The following MCM7 variants were observed in gnomAD, a reference collection of about 807,000 sequenced individuals.
The protein encoded by MCM7 is DNA replication licensing factor MCM7.
A neutral mutation model predicts 83.5 loss-of-function variants in MCM7; 95 were observed. That is an observed-to-expected ratio of 1.14 (90% CI 0.96 to 1.35). MCM7 has a LOEUF of 1.35. Ranked by LOEUF, MCM7 falls within the 40% of genes most tolerant of loss-of-function variation. MCM7 has a pLI of 0.00. For synonymous variants in MCM7, 461 were observed against 352.7 expected, an observed-to-expected ratio of 1.31 and a Z score of -3.44; for missense variants, 1,087 against 957.4, an observed-to-expected ratio of 1.14 and a Z score of -1.79.
At chr7:100,093,536 C>T (rs979235344) in intron 13 of MCM7, 135 bp from the exon 14 acceptor site, 61 of 834,760 alleles carry the variant, frequency 7.3e-5, no homozygotes, top group Non-Finnish European at 8.5e-6. Context: ...GGAATCCCCC[C>T]TCCCCCCAGC....
intron 7 of MCM7, 26 bp downstream of exon 7, chr7:100,098,115 A>G: frequency 1.2e-6 from 2 of 1,612,522 alleles, no homozygotes; most frequent in Non-Finnish European, 1.7e-6. Context: ...GGGATGATCC[A>G]TTCCTCATGT....
chr7:100,099,156 C>T lies in MCM7; in HGVS notation c.449G>A (p.Arg150Gln), dbSNP rs772981794. ...CCCCACAGAGTCAGCCCGCACTTCCCGGATCACACGAGGCTTGTTGCTGCT... is the reference window on the plus strand; with the variant it reads ...CCCCACAGAGTCAGCCCGCACTTCCTGGATCACACGAGGCTTGTTGCTGCT... Reference protein sequence around the residue: ...GPSSNKPRVIREVRADSVGKL... With the variant: ...GPSSNKPRVIQEVRADSVGKL... The change falls in exon 5 of 15, where the codon CGG becomes CAG. Residue 150 changes from arginine (R) to glutamine (Q), a missense_variant. Transcript: ENST00000303887. 4.3e-6 allele frequency: 7 copies of T among 1,614,104 alleles called. No individual in the cohort carries two copies. Among genetic ancestry groups the T allele is most frequent in the Non-Finnish European group, 5.9e-6 (7 of 1,180,032 alleles).
At chr7:100,096,840 C>G (rs903452675) in intron 10 of MCM7, among the ~76,000 whole-genome samples, 5 of 152,076 alleles carry the variant, frequency 3.3e-5, no homozygotes, top group Non-Finnish European at 5.9e-5. Flanking sequence ...CGGTGGCTCA[C>G]GCCTGTAATC....
chr7:100,097,568 C>A, intron 9 of MCM7, 46 bp downstream of exon 9: 1 of 1,610,798 alleles, frequency 6.2e-7, no homozygotes, highest in South Asian at 1.1e-5. Flanking sequence ...TTTTTTCCTC[C>A]TAAATGACTT....
At chr7:100,095,536 T>C (rs1795580831) in intron 11 of MCM7, 66 bp from the exon 12 acceptor site, 1 of 1,493,650 alleles carries the variant, frequency 6.7e-7, no homozygotes, top group Non-Finnish European at 9.2e-7. Flanking sequence ...CTCTTAGGTG[T>C]CCCTCCTTTG....
At chr7:100,094,999 G>C (rs1795542341) in intron 12 of MCM7, among the ~76,000 whole-genome samples, 1 of 152,136 alleles carries the variant, frequency 6.6e-6, no homozygotes, top group African/African-American at 2.4e-5. Context: ...GGCCAACATG[G>C]TGAAACTGCT....
chr7:100,092,775 G>A lies in MCM7; in HGVS notation c.*157C>T. 1.3e-6 allele frequency: 1 copy of A among 751,962 alleles called. No homozygotes were observed. Among genetic ancestry groups the A allele is most frequent in the Non-Finnish European group, 2.2e-6 (1 of 463,492 alleles). The allele number at this position is 751,962 out of a possible 1,614,324, so 46.6% of individuals were successfully genotyped here. A position where few individuals can be genotyped will look rare whatever the true frequency, so the allele number is the denominator to read the frequency against. On this transcript the variant is annotated 3_prime_UTR_variant, in exon 15 of 15. Transcript: ENST00000303887. ...TTTAATGGAAGTCAGGCCCAGGCTA[G>A]AAGATGACAATCTACAAACACTTTT...
intron 10 of MCM7, 130 bp downstream of exon 10, chr7:100,097,171 G>T: frequency 1.3e-6 from 1 of 782,520 alleles, no homozygotes; most frequent in Non-Finnish European, 2.1e-6. Context: ...CGCCTCAAAT[G>T]ATTCTCCTGC....
rs762248032 is a variant in MCM7, at chr7:100,099,023, C to A, written c.582G>T (p.Pro194=). The change falls in exon 5 of 15, where the codon CCG becomes CCT. Residue 194 remains proline, a splice_region_variant and synonymous_variant. Transcript: ENST00000303887. The part of the protein sequence containing the change: ...CDQCGAETYQ[P]IQSPTFMPLI... ...TTCCTGCTTCTTGCTCCACACGTAC[C>A]GGCTGGTAGGTCTCTGCCCCACACT... is the stretch of plus-strand genomic sequence containing the variant. 6.2e-7 allele frequency: 1 copy of A among 1,614,070 alleles called. No homozygotes were observed. The highest frequency in any genetic ancestry group is 1.1e-5 in the South Asian group (1 of 91,076).
intron 7 of MCM7, 52 bp downstream of exon 7, chr7:100,098,089 G>A: frequency 1.2e-6 from 2 of 1,600,418 alleles, no homozygotes; most frequent in Non-Finnish European, 1.7e-6. Context: ...GGTAGAATGA[G>A]TAGGTGAGGG....
In MCM7 at chr7:100,092,802, T is replaced by C. The variant is rs1795382604; in HGVS notation, c.*130A>G. 4.3e-6 allele frequency: 4 copies of C among 930,554 alleles called. No individual in the cohort carries two copies. In the Middle Eastern group the frequency reaches 7.7e-4, roughly 179 times the overall value. The allele number at this position is 930,554 out of a possible 1,614,324, so 57.6% of individuals were successfully genotyped here. On this transcript the variant is annotated 3_prime_UTR_variant, in exon 15 of 15. Coordinates refer to ENST00000303887, the MANE Select transcript of MCM7 (RefSeq NM_005916.5). ...AGATGACAATCTACAAACACTTTTA[T>C]TAGCAAAAGGAGTAAGTGCAGCATG...
chr7:100,096,101 A>T lies in MCM7; in HGVS notation c.1268T>A (p.Val423Glu). Reference protein sequence around the residue: ...GLTAAVLRDSVSGELTLEGGA... With the variant: ...GLTAAVLRDSESGELTLEGGA... ...ACCCTCTAAGGTCAGTTCTCCACTC[A>T]CGGAGTCTCTCAGCACAGCTGCCGT... Residue 423 changes from valine (V) to glutamate (E), a missense_variant, in exon 11 of 15, where the codon GTG (valine) becomes GAG (glutamate). Coordinates refer to ENST00000303887, the MANE Select transcript of MCM7 (RefSeq NM_005916.5). The T allele has an allele frequency of 1.2e-6, 2 of 1,613,936 alleles. No homozygotes were observed. Among genetic ancestry groups the T allele is most frequent in the Non-Finnish European group, 1.7e-6 (2 of 1,179,920 alleles).
In MCM7 at chr7:100,100,953, C is replaced by G. The variant is rs1382072885; in HGVS notation, c.31+311G>C. On this transcript the variant is annotated intron_variant, in intron 1 of 14. Coordinates refer to ENST00000303887, the MANE Select transcript of MCM7 (RefSeq NM_005916.5). The stretch of plus-strand genomic sequence containing the variant: ...GCACGGGAGCCCAGAGCCCTTAAGA[C>G]TCTCCTGAGGTCCTGGGCGCGACTT... 7 of 1,044,020 alleles carry G rather than the reference C, an allele frequency of 6.7e-6. No individual in the cohort carries two copies. The African/African-American group carries it at 1.2e-4, about 18-fold the overall frequency. 64.7% of individuals were successfully genotyped at this position (1,044,020 alleles called of 1,614,324 possible). A position where few individuals can be genotyped will look rare whatever the true frequency, so the allele number is the denominator to read the frequency against.
In MCM7 at chr7:100,094,304, C is replaced by T. The variant is rs765160833; in HGVS notation, c.1717G>A (p.Val573Met). The change falls in exon 13 of 15, where the codon GTG becomes ATG. Residue 573 changes from valine (V) to methionine (M), a missense_variant. Physicochemically the swap from Val to Met is conservative, Grantham distance 21. Transcript: ENST00000303887. ...IAMCREKQPM[V>M]PESLADYITA... ...ATGTAGTCAGCCAGAGACTCTGGCA[C>T]CATGGGCTGCTTCTCGCGGCACATG... The T allele has an allele frequency of 7.4e-6, 12 of 1,614,170 alleles. No individual in the cohort carries two copies. The Admixed American group carries it at 2.0e-4, about 27-fold the overall frequency.
At chr7:100,093,477 G>C in intron 13 of MCM7, 76 bp from the exon 14 acceptor site, 1 of 1,354,736 alleles carries the variant, frequency 7.4e-7, no homozygotes, top group Non-Finnish European at 1.1e-6. Context: ...CCCTTGTTCT[G>C]GCTTTAAGGC....
At chr7:100,100,700 C>T (rs372993131) in intron 1 of MCM7, 22 of 990,132 alleles carry the variant, frequency 2.2e-5, no homozygotes, top group East Asian at 1.1e-4. Flanking sequence ...GGCACGCCCC[C>T]CCGGGCCGCA....
At position 100,099,415 on chromosome 7, in the gene MCM7, G is replaced by C. The variant is rs547370604; in HGVS notation, c.277-12C>G. The C allele has an allele frequency of 8.6e-5, 72 of 838,900 alleles. No individual in the cohort carries two copies. Among genetic ancestry groups the C allele is most frequent in the South Asian group, 2.0e-4 (7 of 35,540 alleles). 52.0% of individuals were successfully genotyped at this position (838,900 alleles called of 1,614,324 possible). A position where few individuals can be genotyped will look rare whatever the true frequency, so the allele number is the denominator to read the frequency against. Reference sequence around the variant, plus strand: ...TCTTTATTTACCACCTAAAGGAGAAGAACAAAAAAAAAAAAAAAAAAGAGC... The same window carrying C: ...TCTTTATTTACCACCTAAAGGAGAACAACAAAAAAAAAAAAAAAAAAGAGC... On this transcript the variant is annotated splice_polypyrimidine_tract_variant and intron_variant, in intron 3 of 14. Coordinates refer to ENST00000303887, the MANE Select transcript of MCM7 (RefSeq NM_005916.5).
chr7:100,100,951 G>A, intron 1 of MCM7: 2 of 1,051,042 alleles, frequency 1.9e-6, no homozygotes, highest in Admixed American at 3.9e-5. Context: ...GAGCCCTTAA[G>A]ACTCTCCTGA....
At chr7:100,100,272 A>G in intron 1 of MCM7, 179 bp from the exon 2 acceptor site, 1 of 1,379,824 alleles carries the variant, frequency 7.2e-7, no homozygotes, top group Non-Finnish European at 9.4e-7. Context: ...ACCAGCGAAG[A>G]ATAAAGAGCC....
Sources: allele counts gnomAD v4.1 joint callset (sites outside exome capture counted in the v4.1 genomes callset), GRCh38; gene constraint gnomAD v4.1.1; transcripts MANE v1.5; gene names NCBI Gene and HGNC (gene_info 2026-07-23, HGNC 2026-07-21).